Variants in WWTR1 observed in about 807,000 individuals in gnomAD.
WWTR1 encodes WW domain-containing transcription regulator protein 1.
Under a neutral mutation model 40.1 loss-of-function variants are expected in WWTR1, and 13 were observed. The observed-to-expected ratio is 0.32, with a 90% CI of 0.21 to 0.52. The LOEUF (loss-of-function observed/expected upper bound fraction) is 0.52. Among genes scored for constraint, WWTR1 ranks in the 20% least tolerant of loss-of-function variants. The pLI, the probability that WWTR1 is intolerant of heterozygous loss-of-function variation, is 0.97. For missense variants in WWTR1, 436 were observed against 523.1 expected, an observed-to-expected ratio of 0.83 and a Z score of 1.63; for synonymous variants, 230 against 210.1, an observed-to-expected ratio of 1.09 and a Z score of -0.82.
At chr3:149,625,834 A>C (rs1740522001) in intron 2 of WWTR1, among the ~76,000 whole-genome samples, 1 of 152,142 alleles carries the variant, frequency 6.6e-6, no homozygotes, top group African/African-American at 2.4e-5. Context: ...AAACAATTAT[A>C]TTCTCAAAAG....
intron 2 of WWTR1, among the ~76,000 whole-genome samples, chr3:149,628,099 G>A (rs1021182129): frequency 6.0e-5 from 9 of 150,044 alleles, no homozygotes; most frequent in Middle Eastern, 6.6e-3. Flanking sequence ...AGCCAGGCGA[G>A]GTGGCTCACG....
chr3:149,542,475 T>A lies in WWTR1; in HGVS notation c.631A>T (p.Thr211Ser). The A allele has an allele frequency of 8.7e-6, 14 of 1,613,798 alleles. No homozygotes were observed. Among genetic ancestry groups the A allele is most frequent in the Non-Finnish European group, 1.0e-5 (12 of 1,179,888 alleles). The change falls in exon 4 of 7, where the codon ACT (threonine) becomes TCT (serine). Residue 211 changes from threonine to serine, a missense_variant. By Grantham distance (58) the Thr-to-Ser change is moderately conservative. Transcript: ENST00000360632. The part of the protein sequence containing the change: ...PSTLSQQNHP[T>S]QNPPAGLMSM... ...ATGAGCCCTGCGGGTGGGTTCTGAG[T>A]GGGGTGGTTCTGCTGGCTCAGGGTA...
At chr3:149,624,999 G>A (rs779839500) in intron 2 of WWTR1, among the ~76,000 whole-genome samples, 1 of 151,684 alleles carries the variant, frequency 6.6e-6, no homozygotes, top group Non-Finnish European at 1.5e-5. Flanking sequence ...CCAAAGCGCT[G>A]GGATTATATG....
intron 6 of WWTR1, among the ~76,000 whole-genome samples, chr3:149,522,758 C>T (rs892524435): frequency 2.0e-5 from 3 of 151,986 alleles, no homozygotes; most frequent in South Asian, 2.1e-4. Context: ...ATTCCTAGGC[C>T]GGGTGTGGTG....
intron 2 of WWTR1, among the ~76,000 whole-genome samples, chr3:149,591,938 G>C (rs79850119): frequency 0.047 from 7,162 of 152,266 alleles, 444 homozygotes; most frequent in African/African-American, 0.14. Context: ...TGTGAATTCA[G>C]CAAAGGGAGA....
At chr3:149,721,152 G>A (rs1014302172) in intron 4 of WWTR1, among the ~76,000 whole-genome samples, 2 of 151,976 alleles carry the variant, frequency 1.3e-5, no homozygotes, top group African/African-American at 4.8e-5. Context: ...ATGCTATACG[G>A]TGAAAGTGGA....
chr3:149,578,296 CAG>C (rs559960313), intron 2 of WWTR1, among the ~76,000 whole-genome samples: 13 of 152,202 alleles, frequency 8.5e-5, no homozygotes, highest in East Asian at 7.7e-4. Flanking sequence ...ATGCATGAGA[CAG>C]GGGTAAAAAA....
chr3:149,701,537 G>C (rs544173604), intron 1 of WWTR1: 3 of 181,410 alleles, frequency 1.7e-5, no homozygotes, highest in South Asian at 2.0e-4. Context: ...GCAGTGTCTG[G>C]TCTGTTTTCT....
chr3:149,684,665 G>T (rs1449954707), intron 1 of WWTR1, among the ~76,000 whole-genome samples: 3 of 152,114 alleles, frequency 2.0e-5, no homozygotes, highest in African/African-American at 7.2e-5. Context: ...CTGGGGTCAA[G>T]AAATCCTCCC....
intron 2 of WWTR1, among the ~76,000 whole-genome samples, chr3:149,587,708 G>A (rs551404454): frequency 2.0e-5 from 3 of 152,190 alleles, no homozygotes; most frequent in South Asian, 2.1e-4. Context: ...TCCTTCCAGT[G>A]CTTGGAATGA....
intron 2 of WWTR1, among the ~76,000 whole-genome samples, chr3:149,638,901 A>G (rs1473490606): frequency 6.6e-6 from 1 of 152,212 alleles, no homozygotes; most frequent in Non-Finnish European, 1.5e-5. Flanking sequence ...GCAGGAAGCA[A>G]ATCAAAGCCG....
chr3:149,544,665 C>T (rs1256882728), intron 3 of WWTR1, among the ~76,000 whole-genome samples: 1 of 152,138 alleles, frequency 6.6e-6, no homozygotes, highest in African/African-American at 2.4e-5. Flanking sequence ...TCTTGTACCC[C>T]GTCCAACTGT....
intron 1 of WWTR1, among the ~76,000 whole-genome samples, chr3:149,692,352 G>A (rs1714853448): frequency 6.6e-6 from 1 of 152,108 alleles, no homozygotes; most frequent in South Asian, 2.1e-4. Context: ...TTCAACATAT[G>A]CAAATCAAAG....
chr3:149,605,632 A>G (rs192139387), intron 2 of WWTR1, among the ~76,000 whole-genome samples: 9 of 152,304 alleles, frequency 5.9e-5, no homozygotes, highest in Non-Finnish European at 1.2e-4. Flanking sequence ...AGAATAGGGT[A>G]TCCAGCACTC....
At chr3:149,703,823 C>T (rs115774779), upstream of WWTR1, among the ~76,000 whole-genome samples, 725 of 152,326 alleles carry the variant, frequency 4.8e-3, 8 homozygotes, top group African/African-American at 0.016. Flanking sequence ...ATCAGCTCCC[C>T]TTCACCTTCT....
At chr3:149,536,123 T>C (rs956820187) in intron 4 of WWTR1, among the ~76,000 whole-genome samples, 1 of 151,978 alleles carries the variant, frequency 6.6e-6, no homozygotes, top group Admixed American at 6.6e-5. Context: ...TGTAAGCAAA[T>C]AAAACGCTTG....
chr3:149,521,070 C>T, intron 6 of WWTR1, 81 bp from the exon 7 acceptor site: 2 of 1,434,638 alleles, frequency 1.4e-6, no homozygotes, highest in Non-Finnish European at 1.9e-6. Flanking sequence ...TTTACATAAC[C>T]CTCACCTTCA....
At chr3:149,603,869 A>T (rs568888233) in intron 2 of WWTR1, among the ~76,000 whole-genome samples, 3 of 151,832 alleles carry the variant, frequency 2.0e-5, no homozygotes, top group African/African-American at 7.2e-5. Context: ...AAAAAAAAAA[A>T]AAAAAGCATG....
chr3:149,612,089 C>T (rs1036722546), intron 2 of WWTR1, among the ~76,000 whole-genome samples: 1 of 152,064 alleles, frequency 6.6e-6, no homozygotes, highest in African/African-American at 2.4e-5. Flanking sequence ...TCATGACCCA[C>T]CTTAGGAAGA....
Sources: gnomAD v4.1 joint callset for allele counts (sites outside exome capture counted in the v4.1 genomes callset) on GRCh38, gnomAD v4.1.1 for gene constraint, MANE v1.5 for transcripts, NCBI Gene and HGNC (gene_info 2026-07-23, HGNC 2026-07-21) for gene names.